MAPK10: variants seen among roughly 807,000 people sequenced by gnomAD.
MAPK10 encodes the protein mitogen-activated protein kinase 10, also known as JNK3 alpha protein kinase.
Under a neutral mutation model 59.3 loss-of-function variants are expected in MAPK10, and 25 were observed. The observed-to-expected ratio is 0.42, with a 90% CI of 0.31 to 0.59. The LOEUF (loss-of-function observed/expected upper bound fraction) is 0.59, where lower values mean the gene tolerates loss of function less well. Ranked by LOEUF, MAPK10 falls within the 20% of genes least tolerant of loss-of-function variation. MAPK10 has a pLI of 0.15. For synonymous variants in MAPK10, 190 were observed against 200.5 expected, an observed-to-expected ratio of 0.95 and a Z score of 0.44; for missense variants, 351 against 568.9, an observed-to-expected ratio of 0.62 and a Z score of 3.90.
intron 1 of MAPK10, among the ~76,000 whole-genome samples, chr4:86,498,442 T>C (rs568303548): frequency 1.3e-5 from 2 of 152,302 alleles, no homozygotes; most frequent in East Asian, 3.9e-4. Flanking sequence ...AGCCATCATT[T>C]TGGAGACTCT....
At chr4:86,301,857 T>TA (rs1301962088) in intron 2 of MAPK10, among the ~76,000 whole-genome samples, 20 of 152,158 alleles carry the variant, frequency 1.3e-4, no homozygotes, top group African/African-American at 4.6e-4. Context: ...ACCAGAACTT[T>TA]AAAAAAATCA....
intron 2 of MAPK10, among the ~76,000 whole-genome samples, chr4:86,328,923 A>G (rs2096086610): frequency 6.6e-6 from 1 of 152,154 alleles, no homozygotes; most frequent in African/African-American, 2.4e-5. Context: ...AACCTAGATG[A>G]TGGGTTAATA....
At chr4:86,385,706 G>A (rs1439828599) in intron 1 of MAPK10, among the ~76,000 whole-genome samples, 1 of 151,940 alleles carries the variant, frequency 6.6e-6, no homozygotes, top group African/African-American at 2.4e-5. Context: ...CTCCCGGATG[G>A]GTAAATCAAA....
At chr4:86,101,404 T>C (rs2055365824) in intron 7 of MAPK10, 187 bp from the exon 8 acceptor site, 1 of 523,094 alleles carries the variant, frequency 1.9e-6, no homozygotes, top group Admixed American at 3.1e-5. Flanking sequence ...AGTGTTTTAA[T>C]CCCAGAAAAG....
chr4:86,259,512 G>A (rs2093897703), intron 2 of MAPK10, among the ~76,000 whole-genome samples: 1 of 152,088 alleles, frequency 6.6e-6, no homozygotes, highest in South Asian at 2.1e-4. Context: ...AAATGGTACT[G>A]TGAATGTGAA....
At chr4:86,576,700 G>A (rs1011535577) in intron 1 of MAPK10, among the ~76,000 whole-genome samples, 2 of 152,020 alleles carry the variant, frequency 1.3e-5, no homozygotes, top group East Asian at 1.9e-4. Flanking sequence ...GCATGAACCC[G>A]GGAGGCGGAG....
intron 1 of MAPK10, among the ~76,000 whole-genome samples, chr4:86,501,114 GAAAAAAAAAAA>G (rs11341561): frequency 2.3e-5 from 2 of 87,862 alleles, no homozygotes; most frequent in Non-Finnish European, 4.3e-5. Context: ...TCTACGATCT[GAAAAAAAAAAA>G]AAAAAAAAAA....
At chr4:86,237,995 T>C (rs1003951711) in intron 2 of MAPK10, among the ~76,000 whole-genome samples, 1 of 152,246 alleles carries the variant, frequency 6.6e-6, no homozygotes, top group Admixed American at 6.5e-5. Context: ...ATTTAAGTCA[T>C]TAATCCATCT....
chr4:86,047,981 T>A (rs1167637649), intron 11 of MAPK10, among the ~76,000 whole-genome samples: 1 of 152,062 alleles, frequency 6.6e-6, no homozygotes, highest in East Asian at 1.9e-4. Flanking sequence ...GATGAAAGGA[T>A]GAGAAGTGAT....
At chr4:86,314,669 C>A (rs1228947824) in intron 2 of MAPK10, among the ~76,000 whole-genome samples, 1 of 152,098 alleles carries the variant, frequency 6.6e-6, no homozygotes, top group East Asian at 1.9e-4. Flanking sequence ...AGATACATGA[C>A]CTTACTGCAT....
intron 1 of MAPK10, among the ~76,000 whole-genome samples, chr4:86,535,453 T>A (rs759779164): frequency 2.0e-5 from 3 of 152,222 alleles, no homozygotes; most frequent in Non-Finnish European, 4.4e-5. Flanking sequence ...TCATCCCAGC[T>A]GGACTGCGGT....
chr4:86,408,114 T>C (rs1488233816), intron 1 of MAPK10, among the ~76,000 whole-genome samples: 1 of 139,364 alleles, frequency 7.2e-6, no homozygotes, highest in African/African-American at 2.6e-5. Flanking sequence ...TGTGTTCTCA[T>C]TGTTCAACTC....
intron 2 of MAPK10, among the ~76,000 whole-genome samples, chr4:86,231,977 AT>A (rs2091611368): frequency 1.3e-5 from 2 of 152,196 alleles, no homozygotes; most frequent in African/African-American, 2.4e-5. Flanking sequence ...AAGAACATAG[AT>A]GGGTTCAGTT....
At chr4:86,531,059 T>C (rs1002562978) in intron 1 of MAPK10, among the ~76,000 whole-genome samples, 1 of 152,176 alleles carries the variant, frequency 6.6e-6, no homozygotes, top group Non-Finnish European at 1.5e-5. Context: ...ATGATCTCCA[T>C]GGTCACCAAG....
At chr4:86,363,760 T>A (rs1307077481), upstream of MAPK10, among the ~76,000 whole-genome samples, 2 of 152,154 alleles carry the variant, frequency 1.3e-5, no homozygotes, top group Non-Finnish European at 2.9e-5. Context: ...ACTAAAATTT[T>A]AGTTAACTAA....
chr4:86,386,622 GGGGGAAAGGT>G (rs1741511955), intron 1 of MAPK10, among the ~76,000 whole-genome samples: 1 of 152,010 alleles, frequency 6.6e-6, no homozygotes, highest in Non-Finnish European at 1.5e-5. Context: ...AGGCACAGCA[GGGGGAAAGGT>G]CCTATTTACT....
chr4:86,116,646 C>G (rs1233458602), intron 4 of MAPK10, among the ~76,000 whole-genome samples: 1 of 152,182 alleles, frequency 6.6e-6, no homozygotes, highest in Admixed American at 6.5e-5. Context: ...CTCCTGGAAA[C>G]GTTGTGGCAT....
chr4:86,212,643 C>G (rs886116624), intron 2 of MAPK10, among the ~76,000 whole-genome samples: 25 of 152,064 alleles, frequency 1.6e-4, no homozygotes, highest in African/African-American at 5.8e-4. Context: ...AAACAGGACA[C>G]TGTATTAATA....
chr4:86,165,223 C>T (rs1025818036), intron 3 of MAPK10, among the ~76,000 whole-genome samples: 60 of 152,254 alleles, frequency 3.9e-4, no homozygotes, highest in African/African-American at 1.4e-3. Flanking sequence ...TATCTATTCT[C>T]ATAGTTATGA....
Sources: gnomAD v4.1 joint callset for allele counts (sites outside exome capture counted in the v4.1 genomes callset) on GRCh38, gnomAD v4.1.1 for gene constraint, MANE v1.5 for transcripts, NCBI Gene and HGNC (gene_info 2026-07-23, HGNC 2026-07-21) for gene names.